The following CAMK2D variants were observed in gnomAD, a reference collection of about 807,000 sequenced individuals.
CAMK2D encodes calcium/calmodulin-dependent protein kinase type II subunit delta.
Under a neutral mutation model 84.0 loss-of-function variants are expected in CAMK2D, and 37 were observed. The ratio of observed to expected loss-of-function variants is 0.44; its 90% CI spans 0.34 to 0.58. The LOEUF (loss-of-function observed/expected upper bound fraction) is 0.58. Among genes scored for constraint, CAMK2D ranks in the 20% least tolerant of loss-of-function variants. The pLI is 0.02. For missense variants in CAMK2D, 448 were observed against 652.5 expected (o/e 0.69, Z 3.41); for synonymous variants, 202 against 212.5 (o/e 0.95, Z 0.43).
At chr4:113,603,698 A>G (rs1213277997) in intron 4 of CAMK2D, among the ~76,000 whole-genome samples, 1 of 147,542 alleles carries the variant, frequency 6.8e-6, no homozygotes, top group Non-Finnish European at 1.5e-5. Flanking sequence ...AGAAATATAT[A>G]TATTTCTTGT....
At position 113,759,373 on chromosome 4, in the gene CAMK2D, G is replaced by C; in HGVS notation, c.107C>G (p.Thr36Ser). ...SVVRRCMKIPTGQEYAAKIIN... is the reference protein window; with the variant it reads ...SVVRRCMKIPSGQEYAAKIIN... ...AATTTTGGCAGCATATTCTTGTCCA[G>C]TAGGAATTTTCATACATCTTCTCAC... Residue 36 changes from threonine (T) to serine (S), a missense_variant, in exon 2 of 21, where the codon ACT becomes AGT. Coordinates refer to ENST00000511664, the MANE Select transcript of CAMK2D (RefSeq NM_001321571.2). The C allele has an allele frequency of 6.2e-7, 1 of 1,608,190 alleles. No homozygotes were observed. Among genetic ancestry groups the C allele is most frequent in the Non-Finnish European group, 8.5e-7 (1 of 1,176,732 alleles).
intron 2 of CAMK2D, among the ~76,000 whole-genome samples, chr4:113,696,879 T>C (rs1482388138): frequency 4.0e-5 from 6 of 150,536 alleles, no homozygotes; most frequent in South Asian, 2.1e-4. Context: ...CCAGAGGTCA[T>C]GTTCATATCC....
chr4:113,495,902 G>A (rs922019813), intron 16 of CAMK2D, among the ~76,000 whole-genome samples: 8 of 152,160 alleles, frequency 5.3e-5, no homozygotes, highest in African/African-American at 1.9e-4. Flanking sequence ...AATGACACAA[G>A]GGCATACAGG....
At chr4:113,730,296 CTT>C (rs996419628) in intron 2 of CAMK2D, among the ~76,000 whole-genome samples, 10 of 152,068 alleles carry the variant, frequency 6.6e-5, no homozygotes, top group African/African-American at 1.9e-4. Flanking sequence ...CTGTTCACTT[CTT>C]GTTTTCATGT....
chr4:113,552,012 C>A lies in CAMK2D; in HGVS notation c.341+19G>T. The A allele has an allele frequency of 7.3e-7, 1 of 1,377,034 alleles. No homozygotes were observed. The highest frequency in any genetic ancestry group is 1.0e-6 in the Non-Finnish European group (1 of 980,584). The allele number at this position is 1,377,034 out of a possible 1,614,324, so 85.3% of individuals were successfully genotyped here. ...TTTGAATGTTGAGTCTTGTATCTTG[C>A]CCAGGGCAAGTCACTTACCTGGCAT... is the stretch of plus-strand genomic sequence containing the variant. On this transcript the variant is annotated intron_variant, in intron 5 of 20. Coordinates refer to ENST00000511664, the MANE Select transcript of CAMK2D (RefSeq NM_001321571.2).
intron 4 of CAMK2D, among the ~76,000 whole-genome samples, chr4:113,572,301 C>T (rs1333541751): frequency 6.6e-6 from 1 of 151,932 alleles, no homozygotes; most frequent in Non-Finnish European, 1.5e-5. Context: ...GACCTTCAAT[C>T]ATTATTTTAC....
At chr4:113,600,682 G>C (rs2098948040) in intron 4 of CAMK2D, among the ~76,000 whole-genome samples, 1 of 152,070 alleles carries the variant, frequency 6.6e-6, no homozygotes, top group Non-Finnish European at 1.5e-5. Flanking sequence ...CTGTCAACTA[G>C]GAAGCAGTGG....
At chr4:113,742,826 A>C (rs73844669) in intron 2 of CAMK2D, among the ~76,000 whole-genome samples, 2,346 of 152,218 alleles carry the variant, frequency 0.015, 63 homozygotes, top group African/African-American at 0.054. Flanking sequence ...TCCAGGATGA[A>C]CCAATTTATG....
intron 5 of CAMK2D, among the ~76,000 whole-genome samples, chr4:113,551,249 T>C (rs2098626839): frequency 6.6e-6 from 1 of 152,200 alleles, no homozygotes; most frequent in Non-Finnish European, 1.5e-5. Flanking sequence ...TCCAAAAGTG[T>C]TGCCTTGGAT....
chr4:113,654,330 T>C (rs1424896497), intron 3 of CAMK2D, among the ~76,000 whole-genome samples: 1 of 152,030 alleles, frequency 6.6e-6, no homozygotes, highest in Non-Finnish European at 1.5e-5. Flanking sequence ...AAGGCTCTTA[T>C]ATATTCTTTA....
intron 14 of CAMK2D, among the ~76,000 whole-genome samples, chr4:113,504,547 T>C (rs2154153698): frequency 6.6e-6 from 1 of 152,374 alleles, no homozygotes; most frequent in East Asian, 1.9e-4. Context: ...ACTTTCATGT[T>C]GTCTAGCAAC....
intron 15 of CAMK2D, among the ~76,000 whole-genome samples, chr4:113,502,554 T>A (rs2154151860): frequency 6.6e-6 from 1 of 151,114 alleles, no homozygotes; most frequent in African/African-American, 2.4e-5. Context: ...AAGTTGATAT[T>A]TTTGAAGACA....
At chr4:113,743,391 T>C (rs1409805962) in intron 2 of CAMK2D, among the ~76,000 whole-genome samples, 1 of 152,230 alleles carries the variant, frequency 6.6e-6, no homozygotes, top group South Asian at 2.1e-4. Flanking sequence ...TTTTGGACAC[T>C]TTGGTGCTAG....
chr4:113,466,430 A>G (rs1290074142), intron 16 of CAMK2D, among the ~76,000 whole-genome samples: 1 of 152,172 alleles, frequency 6.6e-6, no homozygotes, highest in Non-Finnish European at 1.5e-5. Flanking sequence ...TTCAGAGTAA[A>G]GATGATATCT....
chr4:113,501,922 T>A (rs2098053405), intron 15 of CAMK2D, among the ~76,000 whole-genome samples: 1 of 152,088 alleles, frequency 6.6e-6, no homozygotes, highest in East Asian at 1.9e-4. Context: ...ATAAAATAAA[T>A]CTCATATTAA....
chr4:113,507,880 T>G (rs2098151549), intron 13 of CAMK2D, among the ~76,000 whole-genome samples: 1 of 152,120 alleles, frequency 6.6e-6, no homozygotes. Flanking sequence ...TATAAATCAC[T>G]CCTATTTTAG....
intron 4 of CAMK2D, among the ~76,000 whole-genome samples, chr4:113,580,782 G>A (rs2098804455): frequency 6.6e-6 from 1 of 152,082 alleles, no homozygotes; most frequent in African/African-American, 2.4e-5. Flanking sequence ...AGGGCTCTGA[G>A]TGCAATGAAT....
At chr4:113,577,272 T>C (rs948106517) in intron 4 of CAMK2D, among the ~76,000 whole-genome samples, 10 of 152,218 alleles carry the variant, frequency 6.6e-5, no homozygotes, top group African/African-American at 2.4e-4. Flanking sequence ...ATTCAAAATT[T>C]CCTGGAATAT....
At position 113,500,482 on chromosome 4, in the gene CAMK2D, A is replaced by T; in HGVS notation, c.1116T>A (p.Ile372=). 1.2e-6 allele frequency: 2 copies of T among 1,601,748 alleles called. No individual in the cohort carries two copies. The highest frequency in any genetic ancestry group is 1.7e-6 in the Non-Finnish European group (2 of 1,170,864). The part of the protein sequence containing the change: ...KESTESSNTT[I]EDEDVKARKQ... ...TCATACCTTTCACATCTTCATCCTC[A>T]ATTGTTGTATTTGAACTCTCAGTTG... is the stretch of plus-strand genomic sequence containing the variant. Residue 372 remains isoleucine, a synonymous_variant, in exon 16 of 21, where the codon ATT becomes ATA. Transcript: ENST00000511664.
Sources: allele counts gnomAD v4.1 joint callset (sites outside exome capture counted in the v4.1 genomes callset), GRCh38; gene constraint gnomAD v4.1.1; transcripts MANE v1.5; gene names NCBI Gene and HGNC (gene_info 2026-07-23, HGNC 2026-07-21).